The following GRIK4 variants were observed in gnomAD, a reference collection of about 807,000 sequenced individuals.
GRIK4 encodes glutamate receptor ionotropic, kainate 4.
Under a neutral mutation model 104.9 loss-of-function variants are expected in GRIK4, and 40 were observed. The ratio of observed to expected loss-of-function variants is 0.38; its 90% confidence interval spans 0.30 to 0.50. GRIK4 has a LOEUF of 0.50. GRIK4 is among the 20% of genes least tolerant of loss of function. GRIK4 has a pLI of 0.93. For synonymous variants in GRIK4, 485 were observed against 524.9 expected (o/e 0.92, Z 1.04); for missense variants, 1,047 against 1,308.1 (o/e 0.80, Z 3.08).
At chr11:120,567,095 C>T (rs1948337604) in intron 1 of GRIK4, among the ~76,000 whole-genome samples, 1 of 147,002 alleles carries the variant, frequency 6.8e-6, no homozygotes, top group African/African-American at 2.5e-5. Context: ...TCAAGTGATT[C>T]TCCTGCCTCA....
intron 9 of GRIK4, among the ~76,000 whole-genome samples, chr11:120,863,530 AT>A (rs767201161): frequency 2.6e-4 from 40 of 152,258 alleles, no homozygotes; most frequent in Non-Finnish European, 4.0e-4. Flanking sequence ...TATTTGTTGA[AT>A]GAATGAGTGA....
At chr11:120,707,594 T>A (rs1454445004) in intron 3 of GRIK4, among the ~76,000 whole-genome samples, 1 of 152,244 alleles carries the variant, frequency 6.6e-6, no homozygotes, top group East Asian at 1.9e-4. Context: ...TCTGAAAATA[T>A]AATTTAACAC....
intron 8 of GRIK4, among the ~76,000 whole-genome samples, chr11:120,838,738 GT>G (rs956441686): frequency 6.6e-6 from 1 of 151,790 alleles, no homozygotes; most frequent in Non-Finnish European, 1.5e-5. Flanking sequence ...TGCAGTTGGT[GT>G]TTTTTTTGTT....
chr11:120,841,052 A>G (rs989475621), intron 8 of GRIK4, among the ~76,000 whole-genome samples: 3 of 152,186 alleles, frequency 2.0e-5, no homozygotes, highest in Admixed American at 1.3e-4. Flanking sequence ...TTCATGTTGT[A>G]GCATGTGTCA....
intron 1 of GRIK4, among the ~76,000 whole-genome samples, chr11:120,568,243 G>GA (rs1948355271): frequency 6.6e-6 from 1 of 152,168 alleles, no homozygotes; most frequent in Non-Finnish European, 1.5e-5. Flanking sequence ...CTCTTAAGGG[G>GA]ATGCAGTCAA....
chr11:120,662,629 G>A (rs113749516), intron 3 of GRIK4, among the ~76,000 whole-genome samples: 2,319 of 152,212 alleles, frequency 0.015, 51 homozygotes, highest in African/African-American at 0.047. Flanking sequence ...CTGGGCTGGC[G>A]TTAACTGTGC....
At chr11:120,569,680 C>T (rs529157369) in intron 1 of GRIK4, among the ~76,000 whole-genome samples, 1 of 152,156 alleles carries the variant, frequency 6.6e-6, no homozygotes, top group African/African-American at 2.4e-5. Context: ...GGGTCATTAG[C>T]CAGGGAACAG....
intron 13 of GRIK4, among the ~76,000 whole-genome samples, chr11:120,929,192 A>G (rs1943426935): frequency 6.6e-6 from 1 of 152,198 alleles, no homozygotes; most frequent in Non-Finnish European, 1.5e-5. Context: ...AATATTTTGC[A>G]GGTGCCATGT....
chr11:120,917,470 G>A (rs1943136275), intron 13 of GRIK4, among the ~76,000 whole-genome samples: 2 of 152,126 alleles, frequency 1.3e-5, no homozygotes, highest in African/African-American at 4.8e-5. Flanking sequence ...GGGGGGCACA[G>A]GCATGTAAGA....
At position 120,988,193 on chromosome 11, in the gene GRIK4, TTC is replaced by T. The variant is rs1944788057; in HGVS notation, c.*1937_*1938del. 6.6e-6 allele frequency: 1 copy of T among 152,204 alleles called. No individual in the cohort carries two copies. Among genetic ancestry groups the T allele is most frequent in the African/African-American group, 2.4e-5 (1 of 41,444 alleles). 9.4% of individuals were successfully genotyped at this position (152,204 alleles called of 1,614,324 possible). On this transcript the variant is annotated 3_prime_UTR_variant, in exon 21 of 21. Coordinates refer to ENST00000527524, the MANE Select transcript of GRIK4 (RefSeq NM_014619.5). ...CATGAATTTGAATCCTTTATCTTTT[TTC>T]TCTTTAACCATCAAATGACAACAAG... is the stretch of plus-strand genomic sequence containing the variant.
At chr11:120,901,985 G>C (rs954557075) in intron 12 of GRIK4, among the ~76,000 whole-genome samples, 2 of 152,192 alleles carry the variant, frequency 1.3e-5, no homozygotes, top group African/African-American at 4.8e-5. Context: ...TCTTGCGCGT[G>C]TGTGCCTACA....
At chr11:120,672,357 A>G (rs1250720462) in intron 3 of GRIK4, among the ~76,000 whole-genome samples, 2 of 152,196 alleles carry the variant, frequency 1.3e-5, no homozygotes, top group Non-Finnish European at 2.9e-5. Flanking sequence ...CAGAGGTTGC[A>G]GTGAGCCAGG....
chr11:120,624,225 C>G (rs1949225845), intron 1 of GRIK4, among the ~76,000 whole-genome samples: 1 of 152,148 alleles, frequency 6.6e-6, no homozygotes, highest in South Asian at 2.1e-4. Flanking sequence ...TCACCAAGGG[C>G]TCTTGAGGTC....
chr11:120,891,323 C>G (rs193130317), intron 11 of GRIK4, among the ~76,000 whole-genome samples: 1 of 152,348 alleles, frequency 6.6e-6, no homozygotes, highest in East Asian at 1.9e-4. Context: ...ACACCAGGCA[C>G]TGTGCTATGC....
At chr11:120,859,330 C>G (rs1437998218) in intron 8 of GRIK4, 1 of 152,152 alleles carries the variant, frequency 6.6e-6, no homozygotes, top group African/African-American at 2.4e-5. Context: ...TTTTAAAAAA[C>G]AAGGATCTGA....
chr11:120,621,655 A>G (rs73002650), intron 1 of GRIK4, among the ~76,000 whole-genome samples: 33,353 of 152,022 alleles, frequency 0.22, 4,732 homozygotes, highest in Non-Finnish European at 0.31. Context: ...GATGGAGTCT[A>G]GTCTTATCTC....
At chr11:120,783,338 C>T (rs1005996569) in intron 3 of GRIK4, among the ~76,000 whole-genome samples, 3 of 151,540 alleles carry the variant, frequency 2.0e-5, no homozygotes, top group African/African-American at 7.3e-5. Context: ...CTTGGCGCTG[C>T]CTCCTGCTCT....
At chr11:120,721,260 G>A (rs1405568602) in intron 3 of GRIK4, among the ~76,000 whole-genome samples, 1 of 152,190 alleles carries the variant, frequency 6.6e-6, no homozygotes, top group African/African-American at 2.4e-5. Context: ...TTAGACCATA[G>A]AGGGAAAACA....
chr11:120,781,405 C>G (rs900973790), intron 3 of GRIK4, among the ~76,000 whole-genome samples: 1 of 152,082 alleles, frequency 6.6e-6, no homozygotes, highest in Non-Finnish European at 1.5e-5. Context: ...GGCTAGAGTG[C>G]AGAGTTGCAA....
Sources: gnomAD v4.1 joint callset for allele counts (sites outside exome capture counted in the v4.1 genomes callset) on GRCh38, gnomAD v4.1.1 for gene constraint, MANE v1.5 for transcripts, NCBI Gene and HGNC (gene_info 2026-07-23, HGNC 2026-07-21) for gene names.